Variants in GLYR1 observed in about 807,000 individuals in gnomAD.
GLYR1 encodes glyoxylate reductase 1 homolog.
In GLYR1, 21 loss-of-function variants were observed where a neutral mutation model predicts 72.7. That is an observed-to-expected ratio of 0.29 (90% CI 0.20 to 0.42). The LOEUF is 0.42. GLYR1 is among the 10% of genes least tolerant of loss of function. The pLI, the probability that GLYR1 is intolerant of heterozygous loss-of-function variation, is 1.00. For synonymous variants in GLYR1, 392 were observed against 270.2 expected, an observed-to-expected ratio of 1.45 and a Z score of -4.42; for missense variants, 594 against 712.1, an observed-to-expected ratio of 0.83 and a Z score of 1.89.
intron 15 of GLYR1, among the ~76,000 whole-genome samples, chr16:4,806,805 CTTTTTTT>C (rs546117839): frequency 5.0e-5 from 7 of 140,970 alleles, no homozygotes; most frequent in South Asian, 4.5e-4. Flanking sequence ...ATTCTTTTTT[CTTTTTTT>C]TTTTTTTGAG....
At chr16:4,810,595 G>A (rs566408129) in intron 15 of GLYR1, among the ~76,000 whole-genome samples, 25 of 149,724 alleles carry the variant, frequency 1.7e-4, no homozygotes, top group Non-Finnish European at 2.7e-4. Context: ...CAGGTGTAGT[G>A]GCTCACACCT....
intron 1 of GLYR1, 29 bp from the exon 2 acceptor site, chr16:4,846,239 G>A: frequency 6.2e-7 from 1 of 1,613,164 alleles, no homozygotes; most frequent in Non-Finnish European, 8.5e-7. Flanking sequence ...GTCAACACTT[G>A]CCCTGCAAAA....
At chr16:4,812,928 CT>C (rs1252524772) in intron 12 of GLYR1, among the ~76,000 whole-genome samples, 1 of 150,958 alleles carries the variant, frequency 6.6e-6, no homozygotes, top group Non-Finnish European at 1.5e-5. Flanking sequence ...TCCTCAGTAG[CT>C]GGGACTACAG....
chr16:4,829,711 C>G (rs371146331), intron 5 of GLYR1, among the ~76,000 whole-genome samples: 1 of 149,600 alleles, frequency 6.7e-6, no homozygotes, highest in South Asian at 2.1e-4. Context: ...CTCACTCTGT[C>G]GCCCAGGCTG....
Position 4,823,821 on chromosome 16 carries a change from C to T in GLYR1, c.624G>A (p.Glu208=). The stretch of plus-strand genomic sequence containing the variant: ...TCCTGCCTGCAGGAGAGCTCCTTAC[C>T]TCGCTTGCGGTTGGCTGCCATTTAA... ...AAFKWQPTAS[E]PVKDADPHFH... Residue 208 remains glutamate, a splice_region_variant and synonymous_variant, in exon 6 of 16, where the codon GAG becomes GAA. Coordinates refer to ENST00000321919, the MANE Select transcript of GLYR1 (RefSeq NM_032569.4). 2 of 1,613,956 alleles carry T rather than the reference C, an allele frequency of 1.2e-6. No individual in the cohort carries two copies. Among genetic ancestry groups the T allele is most frequent in the Non-Finnish European group, 1.7e-6 (2 of 1,179,898 alleles).
At chr16:4,820,450 T>C (rs977950468) in intron 9 of GLYR1, among the ~76,000 whole-genome samples, 3 of 152,198 alleles carry the variant, frequency 2.0e-5, no homozygotes, top group African/African-American at 7.2e-5. Context: ...GGCCAATAAA[T>C]GTGTTGGGTA....
chr16:4,827,190 C>A (rs569408168), intron 5 of GLYR1, among the ~76,000 whole-genome samples: 1 of 152,354 alleles, frequency 6.6e-6, no homozygotes, highest in Admixed American at 6.5e-5. Context: ...GAATGGCACT[C>A]AGCTGGGCTT....
chr16:4,811,609 C>CA lies in GLYR1; in HGVS notation c.1462+13dup. 6.2e-7 allele frequency: 1 copy of CA among 1,613,066 alleles called. No homozygotes were observed. Among genetic ancestry groups the CA allele is most frequent in the Non-Finnish European group, 8.5e-7 (1 of 1,179,948 alleles). On this transcript the variant is annotated intron_variant, in intron 14 of 15. Coordinates refer to ENST00000321919, the MANE Select transcript of GLYR1 (RefSeq NM_032569.4). ...AAACACCAAATGCAAGAAGAGGGGC[C>CA]AAAAACAACTCACTTTGGCACTTCT...
intron 9 of GLYR1, among the ~76,000 whole-genome samples, chr16:4,819,064 G>T (rs1000965675): frequency 1.3e-5 from 2 of 152,302 alleles, no homozygotes; most frequent in African/African-American, 2.4e-5. Flanking sequence ...GTCTTTTCTT[G>T]ATTCTTGTAC....
chr16:4,846,968 A>C, intron 1 of GLYR1: 2 of 499,392 alleles, frequency 4.0e-6, no homozygotes, highest in East Asian at 3.8e-5. Flanking sequence ...GGCCGCCAGT[A>C]TCTGGGCCCC....
intron 10 of GLYR1, among the ~76,000 whole-genome samples, chr16:4,817,205 T>C (rs529291610): frequency 1.3e-5 from 2 of 151,808 alleles, no homozygotes; most frequent in East Asian, 2.0e-4. Flanking sequence ...CTGCAAGCTC[T>C]GCCTCCCGGG....
chr16:4,834,363 C>T (rs1231975275), intron 3 of GLYR1, among the ~76,000 whole-genome samples: 3 of 133,122 alleles, frequency 2.3e-5, no homozygotes, highest in Admixed American at 8.7e-5. Flanking sequence ...TGCAATGGGG[C>T]GATGTTGGCT....
intron 14 of GLYR1, 64 bp from the exon 15 acceptor site, chr16:4,811,358 C>G (rs532774165): frequency 3.8e-6 from 6 of 1,598,380 alleles, no homozygotes; most frequent in African/African-American, 1.3e-5. Context: ...TACTTACGGT[C>G]CACCAGGTGT....
chr16:4,838,297 G>A (rs189232980), intron 3 of GLYR1, among the ~76,000 whole-genome samples: 5 of 152,262 alleles, frequency 3.3e-5, no homozygotes, highest in African/African-American at 4.8e-5. Flanking sequence ...CACATCCAGC[G>A]AGACCGGTCC....
At chr16:4,818,177 TAG>T (rs1432193946) in intron 9 of GLYR1, among the ~76,000 whole-genome samples, 2 of 152,186 alleles carry the variant, frequency 1.3e-5, no homozygotes, top group Non-Finnish European at 2.9e-5. Flanking sequence ...GTATTTTTAG[TAG>T]AGACAGGGTT....
At chr16:4,823,995 A>T (rs1443880205) in intron 5 of GLYR1, 88 bp from the exon 6 acceptor site, 1 of 1,032,210 alleles carries the variant, frequency 9.7e-7, no homozygotes, top group East Asian at 2.4e-5. Context: ...GGAAAGTTCA[A>T]GCCAATCCCC....
rs546038359 is a variant in GLYR1, at chr16:4,810,152, G to C, written c.1587+1018C>G. ...AAGATTTATATACTCATGTTATAAA[G>C]AAAGCAGGATTAAAATAAATGATTT... On this transcript the variant is annotated intron_variant, in intron 15 of 15. Coordinates refer to ENST00000321919, the MANE Select transcript of GLYR1 (RefSeq NM_032569.4). Among the ~76,000 whole-genome samples the C allele has an allele frequency of 2.6e-5, 4 of 152,220 alleles. No individual in the cohort carries two copies. In the South Asian group the frequency reaches 6.2e-4, roughly 24 times the overall value.
At chr16:4,814,711 C>T in intron 10 of GLYR1, 64 bp from the exon 11 acceptor site, 1 of 1,287,492 alleles carries the variant, frequency 7.8e-7, no homozygotes, top group Non-Finnish European at 1.1e-6. Context: ...CCAGCCAGGC[C>T]AGAGAATTGC....
intron 3 of GLYR1, chr16:4,839,418 T>C (rs1314025227): frequency 6.6e-6 from 1 of 152,180 alleles, no homozygotes; most frequent in Non-Finnish European, 1.5e-5. Flanking sequence ...AACCGTGAGC[T>C]CTGTCTCTAC....
Sources: gnomAD v4.1 joint callset for allele counts (sites outside exome capture counted in the v4.1 genomes callset) on GRCh38, gnomAD v4.1.1 for gene constraint, MANE v1.5 for transcripts, NCBI Gene and HGNC (gene_info 2026-07-23, HGNC 2026-07-21) for gene names.